NOL11: variants seen among roughly 807,000 people sequenced by gnomAD.
NOL11 encodes nucleolar protein 11.
NOL11 carries 42 observed loss-of-function variants against 93.0 expected under a neutral mutation model. The ratio of observed to expected loss-of-function variants is 0.45; its 90% CI spans 0.35 to 0.58. The LOEUF (loss-of-function observed/expected upper bound fraction) is 0.58. Among genes scored for constraint, NOL11 ranks in the 20% least tolerant of loss-of-function variants. The pLI, the probability that NOL11 is intolerant of heterozygous loss-of-function variation, is 0.00. For synonymous variants in NOL11, 296 were observed against 293.7 expected (o/e 1.01, Z -0.08); for missense variants, 775 against 841.8 (o/e 0.92, Z 0.98).
chr17:67,730,566 C>A (rs866872155), intron 7 of NOL11, among the ~76,000 whole-genome samples: 19 of 152,306 alleles, frequency 1.2e-4, no homozygotes, highest in African/African-American at 4.6e-4. Context: ...AGCTGTGTAC[C>A]AGTTTTTAAT....
At chr17:67,742,357 G>A (rs1014895716) in intron 16 of NOL11, among the ~76,000 whole-genome samples, 6 of 152,056 alleles carry the variant, frequency 3.9e-5, no homozygotes, top group African/African-American at 1.4e-4. Flanking sequence ...TGCCTAGTCG[G>A]GTTCTTTGTC....
At chr17:67,737,730 T>G in intron 12 of NOL11, 38 bp downstream of exon 12, 1 of 1,589,460 alleles carries the variant, frequency 6.3e-7, no homozygotes, top group Non-Finnish European at 8.6e-7. Flanking sequence ...CGTGCATAAT[T>G]CTTCTGACCT....
chr17:67,731,597 A>G (rs139548056), intron 7 of NOL11, among the ~76,000 whole-genome samples: 12 of 152,344 alleles, frequency 7.9e-5, no homozygotes, highest in African/African-American at 2.9e-4. Context: ...ACATCCAAGA[A>G]CCCATGGCCA....
chr17:67,736,576 G>A (rs992352654), intron 9 of NOL11, 90 bp from the exon 10 acceptor site: 6 of 756,780 alleles, frequency 7.9e-6, no homozygotes, highest in Non-Finnish European at 1.3e-5. Context: ...AATTGTATGA[G>A]TGGTTTTTTT....
Position 67,721,383 on chromosome 17 carries a change from A to G in NOL11, c.318A>G (p.Ser106=), listed in dbSNP as rs2043216459. The G allele has an allele frequency of 1.3e-6, 2 of 1,540,004 alleles. No homozygotes were observed. Among genetic ancestry groups the G allele is most frequent in the Non-Finnish European group, 1.7e-6 (2 of 1,148,452 alleles). The stretch of plus-strand genomic sequence containing the variant: ...AATTTTTTATGTTCTTCCAGTTGTC[A>G]GCAGAAGTATATAGGATACTTTCAG... The part of the protein sequence containing the change: ...NLDKVFKATL[S]AEVYRILSVQ... Residue 106 remains serine, a synonymous_variant, in exon 4 of 18, where the codon TCA becomes TCG. Coordinates refer to ENST00000253247, the MANE Select transcript of NOL11 (RefSeq NM_015462.5).
At chr17:67,732,738 T>A (rs1239345597) in intron 7 of NOL11, among the ~76,000 whole-genome samples, 1 of 151,264 alleles carries the variant, frequency 6.6e-6, no homozygotes, top group Non-Finnish European at 1.5e-5. Context: ...CATGCCTGGC[T>A]AATTTTTTAT....
At chr17:67,734,979 C>T (rs1441486066) in intron 8 of NOL11, among the ~76,000 whole-genome samples, 1 of 152,178 alleles carries the variant, frequency 6.6e-6, no homozygotes, top group Admixed American at 6.5e-5. Flanking sequence ...TTGTTTTTAG[C>T]TGCTCTTTGG....
chr17:67,732,674 A>G (rs1323163726), intron 7 of NOL11, among the ~76,000 whole-genome samples: 3 of 151,448 alleles, frequency 2.0e-5, no homozygotes, highest in East Asian at 4.0e-4. Context: ...CCCGCGTTCA[A>G]GCAGTTCTCC....
chr17:67,721,595 A>G (rs1465108752), intron 4 of NOL11, 69 bp downstream of exon 4: 1 of 1,346,990 alleles, frequency 7.4e-7, no homozygotes, highest in Admixed American at 1.9e-5. Flanking sequence ...TGCCTTGTTC[A>G]AAAGTATTTT....
rs201300911 is a variant in NOL11 at position 67,724,213 on chromosome 17, A to G, written c.664+20A>G. 3.3e-4 allele frequency: 470 copies of G among 1,433,724 alleles called. No individual in the cohort carries two copies. Among genetic ancestry groups the G allele is most frequent in the East Asian group, 1.7e-3 (75 of 43,788 alleles). 88.8% of individuals were successfully genotyped at this position (1,433,724 alleles called of 1,614,324 possible). A position where few individuals can be genotyped will look rare whatever the true frequency, so the allele number is the denominator to read the frequency against. ...CATTAAGTAAGTTTTCTTTCTTTAA[A>G]CTTTCAGAGATTATAAATAGAGGAT... On this transcript the variant is annotated intron_variant, in intron 6 of 17. Coordinates refer to ENST00000253247, the MANE Select transcript of NOL11 (RefSeq NM_015462.5).
chr17:67,735,162 T>A (rs1393407418), intron 8 of NOL11, among the ~76,000 whole-genome samples: 2 of 152,172 alleles, frequency 1.3e-5, no homozygotes, highest in African/African-American at 4.8e-5. Context: ...TGAGGCAGGG[T>A]TCCTTGTGAG....
Position 67,722,580 on chromosome 17 carries a change from A to C in NOL11, c.462A>C (p.Lys154Asn). 6.4e-7 allele frequency: 1 copy of C among 1,566,372 alleles called. No homozygotes were observed. The highest frequency in any genetic ancestry group is 8.6e-7 in the Non-Finnish European group (1 of 1,165,290). Reference protein sequence around the residue: ...ETVISDEEVIKWTKFFVVFRH... With the variant: ...ETVISDEEVINWTKFFVVFRH... ...ATTTTTCTTTTTTCTTTTTTTGTAG[A>C]TGGACAAAGTTTTTCGTAGTATTCA... Residue 154 changes from lysine to asparagine, a missense_variant and splice_region_variant, in exon 5 of 18, where the codon AAA becomes AAC. Lys to Asn is a moderately conservative substitution (Grantham distance 94). Around this residue, in one of 2 missense-constraint regions of NOL11, gnomAD observed 359 missense variants for 316.5 expected, o/e 1.13. Transcript: ENST00000253247.
At position 67,737,161 on chromosome 17, in the gene NOL11, T is replaced by C. The variant is rs372421426; in HGVS notation, c.1218+16T>C. On this transcript the variant is annotated intron_variant, in intron 11 of 17. Transcript: ENST00000253247. Reference sequence around the variant, plus strand: ...AACCATAATGGTAAATAAATAATATTGAAATATGAAAAATCAAACTCAAGT... The same window carrying C: ...AACCATAATGGTAAATAAATAATATCGAAATATGAAAAATCAAACTCAAGT... The C allele has an allele frequency of 5.4e-6, 8 of 1,474,926 alleles. No homozygotes were observed. In the African/African-American group the frequency reaches 8.3e-5, roughly 15 times the overall value. 91.4% of individuals were successfully genotyped at this position (1,474,926 alleles called of 1,614,324 possible). A position where few individuals can be genotyped will look rare whatever the true frequency, so the allele number is the denominator to read the frequency against.
Position 67,721,522 on chromosome 17 carries a change from A to G in NOL11, c.457A>G (p.Ile153Val). Residue 153 changes from isoleucine (I) to valine (V), a missense_variant, in exon 4 of 18, where the codon ATT (isoleucine) becomes GTT (valine). Around this residue, in one of 2 missense-constraint regions of NOL11, gnomAD observed 359 missense variants for 316.5 expected, o/e 1.13. Transcript: ENST00000253247. ...AACTGTTATCTCTGATGAAGAAGTGATTAAGTAAGTTCCAGTACTTGTAAG... is the reference window on the plus strand; with the variant it reads ...AACTGTTATCTCTGATGAAGAAGTGGTTAAGTAAGTTCCAGTACTTGTAAG... ...IETVISDEEVIKWTKFFVVFR... is the reference protein window; with the variant it reads ...IETVISDEEVVKWTKFFVVFR... 2 of 1,610,984 alleles carry G rather than the reference A, an allele frequency of 1.2e-6. No individual in the cohort carries two copies. Among genetic ancestry groups the G allele is most frequent in the South Asian group, 2.2e-5 (2 of 90,154 alleles).
chr17:67,725,095 CAATAAGT>C (rs2055079278), intron 6 of NOL11, among the ~76,000 whole-genome samples: 1 of 152,136 alleles, frequency 6.6e-6, no homozygotes, highest in Non-Finnish European at 1.5e-5. Context: ...TTACCATAAG[CAATAAGT>C]AACAATGTTA....
chr17:67,719,893 G>T lies in NOL11; in HGVS notation c.256-13G>T. ...GAATAGGATAGTTTTTAACTAGTAT[G>T]TTTTGATTTAAGGTTTTAAGAATAT... On this transcript the variant is annotated splice_polypyrimidine_tract_variant and intron_variant, in intron 2 of 17. Transcript: ENST00000253247. 1 of 1,558,682 alleles carries T rather than the reference G, an allele frequency of 6.4e-7. No individual in the cohort carries two copies. The highest frequency in any genetic ancestry group is 8.7e-7 in the Non-Finnish European group (1 of 1,142,980).
Position 67,737,562 on chromosome 17 carries a change from C to T in NOL11, c.1273C>T (p.Gln425Ter), listed in dbSNP as rs1047024799. ...AGTACGGAAATTTTTGGCTCTGAAGCAGACACCTGACTTTCATACTGTCAT... is the reference window on the plus strand; with the variant it reads ...AGTACGGAAATTTTTGGCTCTGAAGTAGACACCTGACTTTCATACTGTCAT... ...VEVRKFLALK[Q>*]TPDFHTVIGD... The change falls in exon 12 of 18, where the codon CAG becomes TAG. Residue 425 changes from glutamine (Q) to a stop codon, truncating the protein, a stop_gained. Coordinates refer to ENST00000253247, the MANE Select transcript of NOL11 (RefSeq NM_015462.5). LOFTEE classifies it high-confidence loss of function. 1 of 1,612,474 alleles carries T rather than the reference C, an allele frequency of 6.2e-7. No homozygotes were observed. Among genetic ancestry groups the T allele is most frequent in the Non-Finnish European group, 8.5e-7 (1 of 1,179,592 alleles).
At chr17:67,736,489 A>G in intron 9 of NOL11, 177 bp from the exon 10 acceptor site, 1 of 552,794 alleles carries the variant, frequency 1.8e-6, no homozygotes, top group East Asian at 3.0e-5. Context: ...ACGTTGTTGG[A>G]CATACAGCCT....
chr17:67,736,971 C>A, intron 10 of NOL11, 100 bp from the exon 11 acceptor site: 2 of 839,762 alleles, frequency 2.4e-6, no homozygotes, highest in Non-Finnish European at 3.9e-6. Context: ...TTGATGAGAG[C>A]AAAAGTGTGC....
Sources: allele counts gnomAD v4.1 joint callset (sites outside exome capture counted in the v4.1 genomes callset), GRCh38; gene constraint gnomAD v4.1.1; regional missense constraint gnomAD v4.1.1; transcripts MANE v1.5; gene names NCBI Gene and HGNC (gene_info 2026-07-23, HGNC 2026-07-21).